The following DMD variants were observed in gnomAD, a reference collection of about 807,000 sequenced individuals.
DMD encodes mutant dystrophin.
A neutral mutation model predicts 330.1 loss-of-function variants in DMD; 63 were observed. That is an observed-to-expected ratio of 0.19 (90% CI 0.16 to 0.24). DMD has a LOEUF of 0.24. DMD is among the 10% of genes least tolerant of loss of function. The probability of loss-of-function intolerance (pLI) is 1.00; values close to 1 mark genes in which losing one functional copy is unlikely to be tolerated. For missense variants in DMD, 3,344 were observed against 2,684.1 expected (o/e 1.25, Z -5.43); for synonymous variants, 1,223 against 959.8 (o/e 1.27, Z -5.07).
At chrX:31,854,377 A>C (rs1013398902) in intron 48 of DMD, among the ~76,000 whole-genome samples, 4 of 111,983 alleles carry the variant, frequency 3.6e-5, no homozygotes, top group Admixed American at 2.8e-4. Flanking sequence ...CAGGCTTTTC[A>C]TAGTAGGTCA....
At chrX:32,886,602 G>A (rs1395643902) in intron 2 of DMD, among the ~76,000 whole-genome samples, 5 of 110,330 alleles carry the variant, frequency 4.5e-5, no homozygotes, top group African/African-American at 1.7e-4. Context: ...AGAATGGCGT[G>A]AACCCAGGAG....
chrX:31,304,950 G>T (rs985151403), intron 62 of DMD, among the ~76,000 whole-genome samples: 9 of 111,104 alleles, frequency 8.1e-5, no homozygotes, highest in Admixed American at 3.9e-4. Flanking sequence ...GCAGCTCTAG[G>T]GTTTCTACAC....
rs2077188173 is a variant in DMD at position 32,809,506 on chromosome X, T to C, written c.636A>G (p.Leu212=). ...IARYQLGIEK[L]LDPEDVDTTY... Reference sequence around the variant, plus strand: ...AAATTTACCAACCTTCAGGATCGAGTAGTTTCTCTATGCCTAATTGATATC... The same window carrying C: ...AAATTTACCAACCTTCAGGATCGAGCAGTTTCTCTATGCCTAATTGATATC... Residue 212 remains leucine (L), a synonymous_variant, in exon 7 of 79, where the codon CTA becomes CTG. Transcript: ENST00000357033. 2 of 1,208,890 alleles carry C rather than the reference T, an allele frequency of 1.7e-6. No homozygotes were observed. The highest frequency in any genetic ancestry group is 3.5e-5 in the South Asian group (2 of 56,919).
At chrX:32,439,560 A>G (rs903442695) in intron 28 of DMD, among the ~76,000 whole-genome samples, 20 of 111,526 alleles carry the variant, frequency 1.8e-4, no homozygotes, top group African/African-American at 6.5e-4. Flanking sequence ...ATACCTTGTT[A>G]AATTTTTTTA....
chrX:31,983,477 A>G (rs1355694091), intron 44 of DMD, among the ~76,000 whole-genome samples: 2 of 111,841 alleles, frequency 1.8e-5, no homozygotes, highest in Non-Finnish European at 3.8e-5. Flanking sequence ...ACACAAACAA[A>G]TAAGGTTAGC....
chrX:31,834,986 T>C (rs1272316807), intron 49 of DMD, among the ~76,000 whole-genome samples: 1 of 112,298 alleles, frequency 8.9e-6, no homozygotes, highest in East Asian at 2.8e-4. Flanking sequence ...GTAATTCTCC[T>C]TTTACATCAC....
chrX:32,491,360 T>C lies in DMD; in HGVS notation c.2539A>G (p.Thr847Ala), dbSNP rs138145424. The change falls in exon 20 of 79, where the codon ACT becomes GCT. Residue 847 changes from threonine to alanine, a missense_variant. Transcript: ENST00000357033. ...ATTTTCAACCAGTTTTCAGCAGTAGTTGTCATCTGCTCCAATTGTTGTAGC... is the reference window on the plus strand; with the variant it reads ...ATTTTCAACCAGTTTTCAGCAGTAGCTGTCATCTGCTCCAATTGTTGTAGC... ...NQLQQLEQMT[T>A]TAENWLKIQP... 6.8e-5 allele frequency: 82 copies of C among 1,209,064 alleles called. No homozygotes were observed. The African/African-American group carries it at 1.1e-3, about 17-fold the overall frequency.
chrX:32,165,039 G>C (rs980222539), intron 44 of DMD, among the ~76,000 whole-genome samples: 6 of 112,527 alleles, frequency 5.3e-5, no homozygotes, highest in Non-Finnish European at 1.1e-4. Flanking sequence ...TGTCCAGGCA[G>C]AAGTCTGCTG....
intron 42 of DMD, among the ~76,000 whole-genome samples, chrX:32,305,982 C>T (rs760179300): frequency 8.1e-5 from 9 of 110,577 alleles, no homozygotes; most frequent in Non-Finnish European, 1.5e-4. Context: ...ATGGCAATTC[C>T]GCCACTTTCA....
intron 47 of DMD, among the ~76,000 whole-genome samples, chrX:31,878,913 T>C (rs777757569): frequency 8.9e-6 from 1 of 111,907 alleles, no homozygotes; most frequent in South Asian, 3.7e-4. Flanking sequence ...TATACATTTG[T>C]GTACCTCTTG....
chrX:32,691,355 G>T (rs767300777), intron 9 of DMD, among the ~76,000 whole-genome samples: 15 of 109,864 alleles, frequency 1.4e-4, no homozygotes, highest in African/African-American at 4.9e-4. Context: ...TTAAAAATGG[G>T]CTAAAGGCTT....
chrX:31,270,833 G>A (rs2051569032), intron 62 of DMD, among the ~76,000 whole-genome samples: 1 of 111,777 alleles, frequency 8.9e-6, no homozygotes, highest in Non-Finnish European at 1.9e-5. Context: ...CAAGGAGATT[G>A]CAGTATGAGG....
At chrX:32,318,559 G>A (rs2097593582) in intron 41 of DMD, among the ~76,000 whole-genome samples, 2 of 110,811 alleles carry the variant, frequency 1.8e-5, no homozygotes, top group African/African-American at 6.6e-5. Context: ...AAATAGCAAT[G>A]AGAGAGTGTT....
rs1354425148 is a variant in DMD, at chrX:31,622,546, A to G, written c.8217+5127T>C. 2.7e-5 allele frequency among the ~76,000 whole-genome samples: 3 copies of G among 110,292 alleles called. No homozygotes were observed. In the East Asian group the frequency reaches 8.5e-4, roughly 31 times the overall value. ...CCCTTATGATGGAATTAGTTCCCTT[A>G]TAACAAGAGGAAGTGTCATCAGAGC... is the stretch of plus-strand genomic sequence containing the variant. On this transcript the variant is annotated intron_variant, in intron 55 of 78. Coordinates refer to ENST00000357033, the MANE Select transcript of DMD (RefSeq NM_004006.3).
At chrX:32,565,608 G>A in intron 16 of DMD, 94 bp downstream of exon 16, 1 of 909,497 alleles carries the variant, frequency 1.1e-6, no homozygotes. Flanking sequence ...AACTAATCTG[G>A]TTGCTTCTTT....
intron 2 of DMD, among the ~76,000 whole-genome samples, chrX:32,925,215 C>G (rs1285293644): frequency 1.1e-5 from 1 of 89,848 alleles, no homozygotes; most frequent in African/African-American, 4.4e-5. Flanking sequence ...GTTATTTTGG[C>G]CTACCATACA....
Position 32,691,960 on chromosome X carries a change from C to T in DMD, c.960+5910G>A, listed in dbSNP as rs2063313390. ...ATAAGAGGTATGTAAAATACTCAAGCTGATCAAATCAGAGAGTGAAATAGT... is the reference window on the plus strand; with the variant it reads ...ATAAGAGGTATGTAAAATACTCAAGTTGATCAAATCAGAGAGTGAAATAGT... On this transcript the variant is annotated intron_variant, in intron 9 of 78. Coordinates refer to ENST00000357033, the MANE Select transcript of DMD (RefSeq NM_004006.3). Among the ~76,000 whole-genome samples the T allele has an allele frequency of 3.6e-5, 4 of 110,288 alleles. No individual in the cohort carries two copies. The Admixed American group carries it at 3.8e-4, about 11-fold the overall frequency.
At chrX:32,961,419 C>T (rs1381947858) in intron 2 of DMD, among the ~76,000 whole-genome samples, 1 of 110,564 alleles carries the variant, frequency 9.0e-6, no homozygotes, top group East Asian at 2.8e-4. Flanking sequence ...TTAATATACA[C>T]TCATTGCAAA....
At chrX:32,596,224 T>C (rs1247676183) in intron 12 of DMD, among the ~76,000 whole-genome samples, 2 of 109,720 alleles carry the variant, frequency 1.8e-5, no homozygotes, top group African/African-American at 6.6e-5. Context: ...AACTTCTCCA[T>C]TACCATAAAA....
Sources: allele counts gnomAD v4.1 joint callset (sites outside exome capture counted in the v4.1 genomes callset), GRCh38; gene constraint gnomAD v4.1.1; transcripts MANE v1.5; gene names NCBI Gene and HGNC (gene_info 2026-07-23, HGNC 2026-07-21).